CCDC102B: variants seen among roughly 807,000 people sequenced by gnomAD.
The protein encoded by CCDC102B is coiled-coil domain-containing protein 102B.
Under a neutral mutation model 57.4 loss-of-function variants are expected in CCDC102B, and 75 were observed. The ratio of observed to expected loss-of-function variants is 1.31; its 90% CI spans 1.08 to 1.58. The LOEUF (loss-of-function observed/expected upper bound fraction) is 1.58, where lower values mean the gene tolerates loss of function less well. Among genes scored for constraint, CCDC102B ranks in the 40% most tolerant of loss-of-function variants. The pLI is 0.00. For synonymous variants in CCDC102B, 206 were observed against 201.9 expected (o/e 1.02, Z -0.17); for missense variants, 636 against 582.6 (o/e 1.09, Z -0.94).
intron 1 of CCDC102B, among the ~76,000 whole-genome samples, chr18:68,828,334 A>C: frequency 6.6e-6 from 1 of 150,522 alleles, no homozygotes; most frequent in East Asian, 1.9e-4. Flanking sequence ...AAAAAAAAAA[A>C]AAAAAAAAAA....
chr18:68,856,967 CAT>C (rs1203386373), intron 4 of CCDC102B, among the ~76,000 whole-genome samples: 3 of 142,420 alleles, frequency 2.1e-5, no homozygotes, highest in Admixed American at 7.5e-5. Flanking sequence ...TATATACACA[CAT>C]ATACAGTATA....
chr18:68,843,591 A>C (rs2037730592), intron 3 of CCDC102B, among the ~76,000 whole-genome samples: 1 of 152,100 alleles, frequency 6.6e-6, no homozygotes, highest in Non-Finnish European at 1.5e-5. Flanking sequence ...TAGATTCTAC[A>C]AATTTTATAT....
chr18:68,743,087 C>T (rs1456029921), intron 2 of CCDC102B, among the ~76,000 whole-genome samples: 1 of 152,018 alleles, frequency 6.6e-6, no homozygotes, highest in East Asian at 1.9e-4. Context: ...AATCTTGGGT[C>T]AGGCATGGTG....
intron 1 of CCDC102B, among the ~76,000 whole-genome samples, chr18:68,821,372 A>G (rs991880794): frequency 6.6e-6 from 1 of 151,106 alleles, no homozygotes; most frequent in African/African-American, 2.4e-5. Flanking sequence ...AAATTTTAAA[A>G]ATTAATTTTA....
intron 4 of CCDC102B, among the ~76,000 whole-genome samples, chr18:68,849,662 C>A (rs2038035391): frequency 6.6e-6 from 1 of 152,110 alleles, no homozygotes; most frequent in Admixed American, 6.6e-5. Flanking sequence ...TGGATAGCTG[C>A]CTTCCAAGTA....
intron 6 of CCDC102B, among the ~76,000 whole-genome samples, chr18:68,931,883 A>G (rs2041684900): frequency 6.6e-6 from 1 of 151,956 alleles, no homozygotes; most frequent in African/African-American, 2.4e-5. Flanking sequence ...GTCTAGGAAC[A>G]AGAGGAATAT....
chr18:68,760,884 T>A (rs1568236572), intron 2 of CCDC102B, among the ~76,000 whole-genome samples: 2 of 152,056 alleles, frequency 1.3e-5, no homozygotes, highest in Non-Finnish European at 2.9e-5. Context: ...AGGGTTTGCC[T>A]AACCTAAATT....
At chr18:68,884,941 A>G (rs2039828764) in intron 5 of CCDC102B, among the ~76,000 whole-genome samples, 1 of 151,878 alleles carries the variant, frequency 6.6e-6, no homozygotes, top group Non-Finnish European at 1.5e-5. Flanking sequence ...GCTAAACTAC[A>G]GTAGCCTTGC....
chr18:68,943,668 T>C lies in CCDC102B; in HGVS notation c.1263+46240T>C, dbSNP rs189062375. Reference sequence around the variant, plus strand: ...TCACAGAGATTTACACATCCAATGCTGATAATATTGTTATACCCAGATGAG... The same window carrying C: ...TCACAGAGATTTACACATCCAATGCCGATAATATTGTTATACCCAGATGAG... On this transcript the variant is annotated intron_variant, in intron 6 of 7. Transcript: ENST00000360242. 1.4e-4 allele frequency among the ~76,000 whole-genome samples: 22 copies of C among 152,260 alleles called. No homozygotes were observed. The South Asian group carries it at 2.7e-3, about 19-fold the overall frequency.
At chr18:68,779,656 A>T (rs538926819) in intron 2 of CCDC102B, among the ~76,000 whole-genome samples, 39 of 152,186 alleles carry the variant, frequency 2.6e-4, no homozygotes, top group African/African-American at 8.7e-4. Context: ...TTTGGAGACC[A>T]TTAAAGTAGA....
chr18:68,847,115 C>A (rs1461621671), intron 4 of CCDC102B, among the ~76,000 whole-genome samples: 3 of 151,542 alleles, frequency 2.0e-5, no homozygotes, highest in African/African-American at 7.3e-5. Context: ...AAATAATGGG[C>A]AAAATAATGA....
intron 6 of CCDC102B, among the ~76,000 whole-genome samples, chr18:68,911,645 G>A (rs1039856296): frequency 1.8e-4 from 27 of 146,352 alleles, no homozygotes; most frequent in Non-Finnish European, 2.7e-4. Context: ...CCAGCTACTC[G>A]AGAGGCTGAG....
At chr18:68,969,134 T>G (rs2050234560) in intron 6 of CCDC102B, among the ~76,000 whole-genome samples, 1 of 152,172 alleles carries the variant, frequency 6.6e-6, no homozygotes, top group Non-Finnish European at 1.5e-5. Context: ...AGAGCATGCT[T>G]ATTTTCCTTA....
chr18:68,815,310 G>C (rs530186916), intron 1 of CCDC102B, among the ~76,000 whole-genome samples: 1 of 152,204 alleles, frequency 6.6e-6, no homozygotes, highest in South Asian at 2.1e-4. Flanking sequence ...ATTTCAAATG[G>C]ATGGAATAAC....
chr18:68,834,251 T>A (rs913965369), intron 1 of CCDC102B, among the ~76,000 whole-genome samples: 1 of 152,088 alleles, frequency 6.6e-6, no homozygotes, highest in African/African-American at 2.4e-5. Flanking sequence ...AAATAAAAGT[T>A]AATGAGACAT....
intron 2 of CCDC102B, among the ~76,000 whole-genome samples, chr18:68,756,017 A>T (rs1235058225): frequency 6.6e-6 from 1 of 151,632 alleles, no homozygotes; most frequent in Non-Finnish European, 1.5e-5. Context: ...ATCAAAATAC[A>T]TGAAATTTAG....
At chr18:68,717,302 A>T (rs573529860) in intron 2 of CCDC102B, among the ~76,000 whole-genome samples, 2 of 152,350 alleles carry the variant, frequency 1.3e-5, no homozygotes, top group African/African-American at 4.8e-5. Flanking sequence ...AATGAGATGT[A>T]CTATAAATGT....
chr18:69,019,495 G>T (rs2051765724), intron 7 of CCDC102B, among the ~76,000 whole-genome samples: 1 of 150,612 alleles, frequency 6.6e-6, no homozygotes, highest in Admixed American at 6.6e-5. Context: ...ATTGTGAGTG[G>T]GATTGTTTTT....
At position 68,728,610 on chromosome 18, in the gene CCDC102B, T is replaced by C. The variant is rs530664593; in HGVS notation, c.-67+12016T>C. 2.6e-5 allele frequency among the ~76,000 whole-genome samples: 4 copies of C among 152,330 alleles called. No individual in the cohort carries two copies. In the South Asian group the frequency reaches 8.3e-4, roughly 32 times the overall value. On this transcript the variant is annotated intron_variant, in intron 2 of 3. Transcript: ENST00000578970. ...ATGCTGTAGTCTATTGCTGCTTGCC[T>C]TAAGCAGCCTCATGATTTACATCAA...
Sources: gnomAD v4.1 joint callset for allele counts (sites outside exome capture counted in the v4.1 genomes callset) on GRCh38, gnomAD v4.1.1 for gene constraint, MANE v1.5 for transcripts, NCBI Gene and HGNC (gene_info 2026-07-23, HGNC 2026-07-21) for gene names.